The following TRIM49 variants were observed in gnomAD, a reference collection of about 807,000 sequenced individuals.
The protein encoded by TRIM49 is tripartite motif containing 49, also known as tripartite motif-containing protein 49.
Under a neutral mutation model 27.4 loss-of-function variants are expected in TRIM49, and 5 were observed. That is an observed-to-expected ratio of 0.18 (90% confidence interval 0.10 to 0.38). The LOEUF (loss-of-function observed/expected upper bound fraction) is 0.38. TRIM49 is among the 10% of genes least tolerant of loss of function. The pLI is 1.00. For missense variants in TRIM49, 188 were observed against 487.5 expected, an observed-to-expected ratio of 0.39 and a Z score of 5.79; for synonymous variants, 69 against 166.0, an observed-to-expected ratio of 0.42 and a Z score of 4.49.
chr11:89,803,557 C>A (rs1197834449), intron 4 of TRIM49, 141 bp downstream of exon 4: 1 of 1,510,208 alleles, frequency 6.6e-7, no homozygotes, highest in Non-Finnish European at 8.9e-7. Flanking sequence ...AATGAGGCCA[C>A]TTTTTCTCAG....
At chr11:89,806,349 CCTGA>C (rs1388566707) in intron 2 of TRIM49, among the ~76,000 whole-genome samples, 4 of 150,068 alleles carry the variant, frequency 2.7e-5, no homozygotes, top group South Asian at 2.1e-4. Context: ...TCTGGAGAAC[CCTGA>C]CTAATATAAA....
intron 2 of TRIM49, among the ~76,000 whole-genome samples, chr11:89,805,151 A>T (rs1249890674): frequency 1.3e-5 from 2 of 151,746 alleles, no homozygotes; most frequent in Non-Finnish European, 2.9e-5. Flanking sequence ...AAGAAAAATT[A>T]TTAAAGATAT....
chr11:89,777,290 A>G, the TRIM49 span: 5 of 1,546,754 alleles, frequency 3.2e-6, no homozygotes, highest in Non-Finnish European at 4.4e-6. Context: ...CTCTTCTGTG[A>G]GGCTGACAAG....
At chr11:89,777,258 G>T in the TRIM49 span, 1 of 1,548,396 alleles carries the variant, frequency 6.5e-7, no homozygotes, top group Non-Finnish European at 8.7e-7. Context: ...ATATCTGTGT[G>T]CTCCATGCGG....
At chr11:89,776,709 G>A in the TRIM49 span, among the ~76,000 whole-genome samples, 3 of 152,108 alleles carry the variant, frequency 2.0e-5, no homozygotes, top group Non-Finnish European at 4.4e-5. Context: ...ATCCCACACC[G>A]TTTACTAATA....
rs1411306187 is a variant in TRIM49, at chr11:89,806,138, C to T, written c.-5+961G>A. 1.1e-4 allele frequency among the ~76,000 whole-genome samples: 16 copies of T among 149,736 alleles called. No individual in the cohort carries two copies. The East Asian group carries it at 3.1e-3, about 29-fold the overall frequency. On this transcript the variant is annotated intron_variant, in intron 2 of 7. Coordinates refer to ENST00000329758, the MANE Select transcript of TRIM49 (RefSeq NM_020358.2). Reference sequence around the variant, plus strand: ...TCCTACAATAGGCTACAAACCTGTACAGTATGTTCTGTACTGCATACTGTA... The same window carrying T: ...TCCTACAATAGGCTACAAACCTGTATAGTATGTTCTGTACTGCATACTGTA...
chr11:89,789,715 T>A, the TRIM49 span: 2 of 152,094 alleles, frequency 1.3e-5, no homozygotes, highest in Non-Finnish European at 2.9e-5. Flanking sequence ...CTTGTTGGGT[T>A]GCCAGGCATT....
chr11:89,767,806 T>C, the TRIM49 span, among the ~76,000 whole-genome samples: 1 of 135,586 alleles, frequency 7.4e-6, no homozygotes, highest in East Asian at 2.1e-4. Flanking sequence ...CTGAAATGTA[T>C]TTAAAAAAAC....
At chr11:89,804,951 C>T (rs1238991906) in intron 2 of TRIM49, among the ~76,000 whole-genome samples, 1 of 151,008 alleles carries the variant, frequency 6.6e-6, no homozygotes, top group Non-Finnish European at 1.5e-5. Flanking sequence ...AAAAGCCGGG[C>T]AGCAAACCAC....
chr11:89,796,531 T>G (rs1282565057), downstream of TRIM49, among the ~76,000 whole-genome samples: 7 of 142,108 alleles, frequency 4.9e-5, no homozygotes, highest in African/African-American at 2.0e-4. Context: ...CCACCATGCC[T>G]GGGCTCCTAT....
chr11:89,796,896 T>C (rs1949693901), downstream of TRIM49, among the ~76,000 whole-genome samples: 1 of 150,952 alleles, frequency 6.6e-6, no homozygotes, highest in Non-Finnish European at 1.5e-5. Flanking sequence ...TGTTGAAGTA[T>C]ATGTAGGCAA....
chr11:89,770,739 G>C, the TRIM49 span, among the ~76,000 whole-genome samples: 1 of 142,534 alleles, frequency 7.0e-6, no homozygotes, highest in Non-Finnish European at 1.5e-5. Context: ...GGTGGCGAGC[G>C]CCTGTAGTCC....
chr11:89,782,341 C>A, the TRIM49 span: 1 of 1,444,096 alleles, frequency 6.9e-7, no homozygotes, highest in African/African-American at 1.5e-5. Flanking sequence ...CCTTCTCGTC[C>A]CCTCTGAGGC....
chr11:89,801,015 T>G (rs1390921631), intron 5 of TRIM49, 27 bp from the exon 6 acceptor site: 1 of 1,287,760 alleles, frequency 7.8e-7, no homozygotes, highest in Non-Finnish European at 1.1e-6. Flanking sequence ...GAAGAAAGAT[T>G]TAGTGCATTT....
At chr11:89,784,646 T>A in the TRIM49 span, among the ~76,000 whole-genome samples, 3 of 140,104 alleles carry the variant, frequency 2.1e-5, no homozygotes, top group Non-Finnish European at 4.5e-5. Flanking sequence ...TTCTCCTATG[T>A]TTTGTGAGCT....
the TRIM49 span, chr11:89,787,901 G>C: frequency 2.0e-5 from 8 of 404,940 alleles, no homozygotes; most frequent in Non-Finnish European, 3.6e-5. Flanking sequence ...GCTGGGCACC[G>C]TGGCAGCTCC....
chr11:89,786,759 G>A, the TRIM49 span: 3 of 138,812 alleles, frequency 2.2e-5, no homozygotes, highest in South Asian at 4.4e-4. Flanking sequence ...GGACACAGAG[G>A]CATCACGGAA....
the TRIM49 span, among the ~76,000 whole-genome samples, chr11:89,770,644 C>T: frequency 5.0e-5 from 7 of 141,014 alleles, 1 homozygote; most frequent in African/African-American, 1.5e-4. Flanking sequence ...CGGATCACGA[C>T]GTCAGGAGAT....
intron 4 of TRIM49, among the ~76,000 whole-genome samples, chr11:89,802,550 G>C (rs564032670): frequency 6.6e-6 from 1 of 150,666 alleles, no homozygotes; most frequent in East Asian, 1.9e-4. Context: ...TCTCCAACTA[G>C]AATTACATAT....
Sources: allele counts gnomAD v4.1 joint callset (sites outside exome capture counted in the v4.1 genomes callset), GRCh38; gene constraint gnomAD v4.1.1; transcripts MANE v1.5; gene names NCBI Gene and HGNC (gene_info 2026-07-23, HGNC 2026-07-21).